The following FBXO15 variants were observed in gnomAD, a reference collection of about 807,000 sequenced individuals.
FBXO15 encodes the protein F-box only protein 15.
FBXO15 carries 30 observed loss-of-function variants against 49.5 expected under a neutral mutation model. The observed-to-expected ratio is 0.61, with a 90% CI of 0.45 to 0.82. FBXO15 has a LOEUF of 0.82. Ranked by LOEUF, FBXO15 falls within the 40% of genes least tolerant of loss-of-function variation. The pLI is 0.00. For synonymous variants in FBXO15, 250 were observed against 232.7 expected (o/e 1.07, Z -0.68); for missense variants, 591 against 631.5 (o/e 0.94, Z 0.69).
At chr18:74,073,765 G>C (rs1166086483) in intron 9 of FBXO15, 35 bp from the exon 10 acceptor site, 12 of 1,577,058 alleles carry the variant, frequency 7.6e-6, no homozygotes, top group African/African-American at 1.4e-5. Flanking sequence ...AGGATAAAAA[G>C]GCCAATCAGA....
intron 8 of FBXO15, among the ~76,000 whole-genome samples, chr18:74,083,124 G>A (rs1485973271): frequency 3.9e-5 from 6 of 152,188 alleles, no homozygotes; most frequent in East Asian, 3.9e-4. Flanking sequence ...CCCCGCAAAC[G>A]GGAGCTCCTT....
At chr18:74,091,114 C>T (rs138708431) in intron 8 of FBXO15, among the ~76,000 whole-genome samples, 17 of 152,214 alleles carry the variant, frequency 1.1e-4, no homozygotes, top group African/African-American at 4.1e-4. Context: ...GTTAGTTCTT[C>T]GTGTTGAATT....
chr18:74,125,472 G>A (rs531135629), intron 6 of FBXO15, among the ~76,000 whole-genome samples: 2 of 152,310 alleles, frequency 1.3e-5, no homozygotes, highest in South Asian at 2.1e-4. Context: ...CTGGTGAAAC[G>A]AGAAATCTTA....
At chr18:74,109,702 T>C (rs369073153) in intron 8 of FBXO15, among the ~76,000 whole-genome samples, 1 of 152,030 alleles carries the variant, frequency 6.6e-6, no homozygotes, top group African/African-American at 2.4e-5. Context: ...AGCTGGAAAC[T>C]ATCATTCTCA....
chr18:74,088,975 T>A (rs1912883392), intron 8 of FBXO15, among the ~76,000 whole-genome samples: 1 of 152,198 alleles, frequency 6.6e-6, no homozygotes. Flanking sequence ...TATTTTATTC[T>A]TTTTCTCTTA....
chr18:74,136,594 G>T (rs1272814962), intron 2 of FBXO15, among the ~76,000 whole-genome samples: 3 of 152,258 alleles, frequency 2.0e-5, no homozygotes, highest in Non-Finnish European at 4.4e-5. Context: ...CTTCGTCTGG[G>T]GCTTCAAGGA....
chr18:74,133,143 C>G (rs184451949), intron 3 of FBXO15, among the ~76,000 whole-genome samples: 208 of 152,342 alleles, frequency 1.4e-3, no homozygotes, highest in African/African-American at 4.9e-3. Flanking sequence ...AAGAGTCAGA[C>G]TATGACTCTT....
chr18:74,105,609 G>GC (rs1555677484), intron 8 of FBXO15, among the ~76,000 whole-genome samples: 12 of 148,810 alleles, frequency 8.1e-5, no homozygotes, highest in Middle Eastern at 3.4e-3. Flanking sequence ...CCAGCTTATG[G>GC]TTTTTTTTTT....
intron 8 of FBXO15, among the ~76,000 whole-genome samples, chr18:74,094,691 G>C: frequency 6.6e-6 from 1 of 152,172 alleles, no homozygotes; most frequent in East Asian, 1.9e-4. Flanking sequence ...AGATTTAGCA[G>C]CCTCCTTAAG....
intron 3 of FBXO15, among the ~76,000 whole-genome samples, chr18:74,135,345 C>T (rs1441940865): frequency 6.6e-6 from 1 of 152,142 alleles, no homozygotes; most frequent in Non-Finnish European, 1.5e-5. Flanking sequence ...TAGTCTCTTC[C>T]TTCTCTTTCT....
Position 74,126,106 on chromosome 18 carries a change from G to C in FBXO15, c.786-5C>G. On this transcript the variant is annotated splice_region_variant and splice_polypyrimidine_tract_variant and intron_variant, in intron 5 of 9. Coordinates refer to ENST00000419743, the MANE Select transcript of FBXO15 (RefSeq NM_001142958.2). Reference sequence around the variant, plus strand: ...ATTAAAGAATGCCATCGGAGTCTTTGAACGTTATGCCAAGGAAAGGAGAGA... The same window carrying C: ...ATTAAAGAATGCCATCGGAGTCTTTCAACGTTATGCCAAGGAAAGGAGAGA... The C allele has an allele frequency of 6.2e-7, 1 of 1,613,250 alleles. No homozygotes were observed. Among genetic ancestry groups the C allele is most frequent in the Admixed American group, 1.7e-5 (1 of 60,002 alleles).
intron 2 of FBXO15, among the ~76,000 whole-genome samples, chr18:74,138,663 C>T (rs1218547768): frequency 6.6e-6 from 1 of 152,098 alleles, no homozygotes; most frequent in Non-Finnish European, 1.5e-5. Flanking sequence ...TGGCATCCTC[C>T]TTTGCACCTA....
At chr18:74,135,020 A>G (rs554084047) in intron 3 of FBXO15, among the ~76,000 whole-genome samples, 4 of 152,158 alleles carry the variant, frequency 2.6e-5, no homozygotes, top group African/African-American at 9.7e-5. Context: ...TAAAAAGCCA[A>G]GATGTTCTGT....
At position 74,087,428 on chromosome 18, in the gene FBXO15, C is replaced by T. The variant is rs181411614; in HGVS notation, c.1139-5377G>A. On this transcript the variant is annotated intron_variant, in intron 8 of 9. Transcript: ENST00000419743. ...GTAGGACCTGGTGGTATCTGTTGTT[C>T]CCTTCTTTGTGTTCATATGTACTCT... Among the ~76,000 whole-genome samples, 3 of 152,242 alleles carry T rather than the reference C, an allele frequency of 2.0e-5. No individual in the cohort carries two copies. The East Asian group carries it at 5.8e-4, about 29-fold the overall frequency.
intron 8 of FBXO15, among the ~76,000 whole-genome samples, chr18:74,111,117 C>T (rs1016003224): frequency 2.0e-5 from 3 of 151,930 alleles, no homozygotes; most frequent in African/African-American, 7.3e-5. Context: ...ACATTCTTCT[C>T]AAGCTCACAT....
rs1380366906 is a variant in FBXO15 at position 74,129,545 on chromosome 18, A to C, written c.645T>G (p.Val215=). 7 of 1,613,644 alleles carry C rather than the reference A, an allele frequency of 4.3e-6. No individual in the cohort carries two copies. Among genetic ancestry groups the C allele is most frequent in the Non-Finnish European group, 5.1e-6 (6 of 1,179,950 alleles). ...KGGKEYIMEH[V]DLSINDTSVT... The stretch of plus-strand genomic sequence containing the variant: ...CTGATGTGTCATTTATGGAAAGATC[A>C]ACATGCTCCATGATATATTCTTTTC... Residue 215 remains valine (V), a synonymous_variant, in exon 5 of 10, where the codon GTT becomes GTG. Coordinates refer to ENST00000419743, the MANE Select transcript of FBXO15 (RefSeq NM_001142958.2).
At chr18:74,125,356 G>A (rs572223377) in intron 6 of FBXO15, among the ~76,000 whole-genome samples, 1 of 152,362 alleles carries the variant, frequency 6.6e-6, no homozygotes, top group East Asian at 1.9e-4. Flanking sequence ...TGAGGATGGT[G>A]TTGTCTGAAG....
At chr18:74,106,433 A>C (rs1913770490) in intron 8 of FBXO15, among the ~76,000 whole-genome samples, 1 of 152,200 alleles carries the variant, frequency 6.6e-6, no homozygotes, top group African/African-American at 2.4e-5. Flanking sequence ...CAATGGAACC[A>C]ATTGAACATG....
At chr18:74,135,181 C>G (rs564223411) in intron 3 of FBXO15, among the ~76,000 whole-genome samples, 1 of 152,242 alleles carries the variant, frequency 6.6e-6, no homozygotes, top group South Asian at 2.1e-4. Context: ...GACCAGATGA[C>G]CACAGGTGAA....
Sources: allele counts gnomAD v4.1 joint callset (sites outside exome capture counted in the v4.1 genomes callset), GRCh38; gene constraint gnomAD v4.1.1; transcripts MANE v1.5; gene names NCBI Gene and HGNC (gene_info 2026-07-23, HGNC 2026-07-21).